The following CCDC180 variants were observed in gnomAD, a reference collection of about 807,000 sequenced individuals.
CCDC180 encodes the protein coiled-coil domain containing 180, also known as coiled-coil domain-containing protein 180.
In CCDC180, 154 loss-of-function variants were observed where a neutral mutation model predicts 209.2. That is an observed-to-expected ratio of 0.74 (90% CI 0.65 to 0.84). The LOEUF is 0.84. Ranked by LOEUF, CCDC180 falls within the 40% of genes least tolerant of loss-of-function variation. The pLI is 0.00. For synonymous variants in CCDC180, 778 were observed against 749.1 expected, an observed-to-expected ratio of 1.04 and a Z score of -0.63; for missense variants, 1,874 against 1,997.3, an observed-to-expected ratio of 0.94 and a Z score of 1.18.
chr9:97,353,481 C>T (rs970429347), intron 22 of CCDC180, among the ~76,000 whole-genome samples: 4 of 152,178 alleles, frequency 2.6e-5, no homozygotes, highest in Non-Finnish European at 5.9e-5. Flanking sequence ...GTTTCTCATG[C>T]ATGGTATCTT....
chr9:97,374,417 C>A (rs116028503), intron 34 of CCDC180, 126 bp from the exon 35 acceptor site: 1 of 687,136 alleles, frequency 1.5e-6, no homozygotes, highest in South Asian at 1.9e-5. Flanking sequence ...GAGGGCTCAG[C>A]CTGCCATAAC....
rs113034234 is a variant in CCDC180, at chr9:97,324,068, A to G, written c.1371+165A>G. On this transcript the variant is annotated intron_variant, in intron 13 of 36. Transcript: ENST00000529487. The stretch of plus-strand genomic sequence containing the variant: ...GTAGCCCCCTTACGCTGGCCACTCC[A>G]AGCTCACTCACCGGACTCCTCCCAG... The G allele has an allele frequency of 1.6e-5, 12 of 742,352 alleles. No homozygotes were observed. The African/African-American group carries it at 2.0e-4, about 12-fold the overall frequency. 46.0% of individuals were successfully genotyped at this position (742,352 alleles called of 1,614,324 possible).
At chr9:97,363,424 A>AG (rs1826823786) in intron 28 of CCDC180, 1 of 294,676 alleles carries the variant, frequency 3.4e-6, no homozygotes. Context: ...CCTTCTGGGT[A>AG]GGTTGCTGCA....
At chr9:97,318,021 G>A (rs1213147881) in intron 9 of CCDC180, among the ~76,000 whole-genome samples, 1 of 152,208 alleles carries the variant, frequency 6.6e-6, no homozygotes, top group African/African-American at 2.4e-5. Context: ...GTGCTAGGGG[G>A]CTTGCTTGCA....
Position 97,343,369 on chromosome 9 carries a change from G to A in CCDC180, c.2304G>A (p.Glu768=), listed in dbSNP as rs1211044648. The stretch of plus-strand genomic sequence containing the variant: ...AAGACAAGGAAGAGGGTCTAGAGGA[G>A]ATATACTATGAGGACATGGAGTCCT... ...EEEDKEEGLE[E]IYYEDMESFT... The change falls in exon 19 of 37, where the codon GAG becomes GAA. Residue 768 remains glutamate (E), a synonymous_variant. Transcript: ENST00000529487. The A allele has an allele frequency of 6.2e-7, 1 of 1,612,790 alleles. No individual in the cohort carries two copies. The highest frequency in any genetic ancestry group is 8.5e-7 in the Non-Finnish European group (1 of 1,178,798).
chr9:97,321,100 T>C (rs1434081895), intron 11 of CCDC180, among the ~76,000 whole-genome samples: 1 of 152,196 alleles, frequency 6.6e-6, no homozygotes, highest in African/African-American at 2.4e-5. Flanking sequence ...GTGTACTCTG[T>C]TGCCAGATGA....
At chr9:97,372,632 G>A (rs1357601859) in intron 34 of CCDC180, 3 of 152,162 alleles carry the variant, frequency 2.0e-5, no homozygotes, top group Non-Finnish European at 4.4e-5. Flanking sequence ...GGCTGAGGTG[G>A]GTGGATCTCT....
chr9:97,360,250 C>A, intron 26 of CCDC180, 149 bp downstream of exon 26: 1 of 1,006,886 alleles, frequency 9.9e-7, no homozygotes, highest in Non-Finnish European at 1.4e-6. Flanking sequence ...GTGGAAAGAT[C>A]ACAAGCTGTG....
At chr9:97,347,229 G>A in intron 19 of CCDC180, 85 bp from the exon 20 acceptor site, 1 of 1,322,496 alleles carries the variant, frequency 7.6e-7, no homozygotes, top group Admixed American at 2.4e-5. Flanking sequence ...AGTGAAAGGG[G>A]GAAGCACTTT....
intron 35 of CCDC180, among the ~76,000 whole-genome samples, chr9:97,374,898 G>A (rs900570487): frequency 6.6e-6 from 1 of 152,224 alleles, no homozygotes; most frequent in African/African-American, 2.4e-5. Flanking sequence ...TAGTGCACAT[G>A]ATAAGGACCC....
chr9:97,310,997 G>T lies in CCDC180; in HGVS notation c.261-1116G>T, dbSNP rs142773764. Reference sequence around the variant, plus strand: ...TGCAGGGCTAGCAGAGGCCAGACTGGGCTGAACACATGAGTGGCAGAGCCA... The same window carrying T: ...TGCAGGGCTAGCAGAGGCCAGACTGTGCTGAACACATGAGTGGCAGAGCCA... On this transcript the variant is annotated intron_variant, in intron 3 of 36. Transcript: ENST00000529487. Among the ~76,000 whole-genome samples, 152 of 152,310 alleles carry T rather than the reference G, an allele frequency of 1.0e-3. 1 individual carries two copies. Among genetic ancestry groups the T allele is most frequent in the African/African-American group, 3.5e-3 (146 of 41,568 alleles).
At position 97,341,247 on chromosome 9, in the gene CCDC180, A is replaced by G. The variant is rs539502743; in HGVS notation, c.2275-2093A>G. ...TCAGGGCCACTACCGGTCTCTGCACATTGGTGGTAGTGGTCCCCTGGGCCC... is the reference window on the plus strand; with the variant it reads ...TCAGGGCCACTACCGGTCTCTGCACGTTGGTGGTAGTGGTCCCCTGGGCCC... On this transcript the variant is annotated intron_variant, in intron 18 of 36. Transcript: ENST00000529487. 2.0e-4 allele frequency among the ~76,000 whole-genome samples: 30 copies of G among 152,142 alleles called. No homozygotes were observed. In the South Asian group the frequency reaches 6.2e-3, roughly 32 times the overall value.
In CCDC180 at chr9:97,330,701, G is replaced by GGAGGAA. The variant is rs71369506; in HGVS notation, c.2208_2209insGAGGAA (p.Glu735_Glu736dup). On this transcript the variant is annotated inframe_insertion, in exon 18 of 37. Transcript: ENST00000529487. Reference sequence around the variant, plus strand: ...AGAAGGAGGAAGAGGAGGAGGAGGAGAAGCTGGAGGAAGAGAAGGAGGAGA... The same window carrying GGAGGAA: ...AGAAGGAGGAAGAGGAGGAGGAGGAGGAGGAAAAGCTGGAGGAAGAGAAGGAGGAGA... 6 of 1,608,342 alleles carry GGAGGAA rather than the reference G, an allele frequency of 3.7e-6. No individual in the cohort carries two copies. Among genetic ancestry groups the GGAGGAA allele is most frequent in the South Asian group, 1.1e-5 (1 of 90,980 alleles).
rs760299313 is a variant in CCDC180, at chr9:97,313,297, C to T, written c.411C>T (p.Tyr137=). Residue 137 remains tyrosine (Y), a synonymous_variant, in exon 5 of 37, where the codon TAC becomes TAT. Transcript: ENST00000529487. ...AAGCAGAACACAAGAGGAAGAGCTA[C>T]GAGAGCGCTCTGGCCAGCTTTCAGG... ...QRQAEHKRKS[Y]ESALASFQEE... is the part of the protein sequence containing the mutation. 13 of 1,612,560 alleles carry T rather than the reference C, an allele frequency of 8.1e-6. No homozygotes were observed. The highest frequency in any genetic ancestry group is 2.2e-5 in the East Asian group (1 of 44,776).
Position 97,325,207 on chromosome 9 carries a change from C to T in CCDC180, c.1545+15C>T, listed in dbSNP as rs376485477. On this transcript the variant is annotated intron_variant, in intron 14 of 36. Transcript: ENST00000529487. ...TGGAGAGCCAGGTGAGACCCACACCCGGGGCTCCATGTTTCACACCACAAA... is the reference window on the plus strand; with the variant it reads ...TGGAGAGCCAGGTGAGACCCACACCTGGGGCTCCATGTTTCACACCACAAA... The T allele has an allele frequency of 2.7e-5, 43 of 1,573,856 alleles. No individual in the cohort carries two copies. The highest frequency in any genetic ancestry group is 4.0e-5 in the African/African-American group (3 of 74,372).
At chr9:97,333,540 C>A (rs1233696994) in intron 18 of CCDC180, among the ~76,000 whole-genome samples, 1 of 49,518 alleles carries the variant, frequency 2.0e-5, no homozygotes, top group Admixed American at 2.5e-4. Flanking sequence ...GGTTTGTAGG[C>A]TATTTATTAT....
chr9:97,312,931 C>CAGGAAGTACTATGGA (rs1554726252), intron 4 of CCDC180, among the ~76,000 whole-genome samples: 2 of 151,812 alleles, frequency 1.3e-5, no homozygotes, highest in African/African-American at 2.4e-5. Flanking sequence ...ACCTACTATG[C>CAGGAAGTACTATGGA]AGGAAGTGTT....
At chr9:97,357,878 T>C in intron 25 of CCDC180, 153 bp downstream of exon 25, 1 of 575,430 alleles carries the variant, frequency 1.7e-6, no homozygotes. Flanking sequence ...TTAACCCCTG[T>C]TTCATGGAAT....
Position 97,376,795 on chromosome 9 carries a change from G to A in CCDC180, c.4875G>A (p.Lys1625=). The change falls in exon 37 of 37, where the codon AAG becomes AAA. Residue 1625 remains lysine (K), a synonymous_variant. Transcript: ENST00000529487. ...KYLASFEEEL[K]RIQDDCTSQI... Reference sequence around the variant, plus strand: ...TAGCATCATTTGAGGAGGAGCTAAAGAGGATCCAGGATGACTGTACATCTC... The same window carrying A: ...TAGCATCATTTGAGGAGGAGCTAAAAAGGATCCAGGATGACTGTACATCTC... The A allele has an allele frequency of 6.2e-7, 1 of 1,613,536 alleles. No individual in the cohort carries two copies. Among genetic ancestry groups the A allele is most frequent in the East Asian group, 2.2e-5 (1 of 44,880 alleles).
Sources: allele counts gnomAD v4.1 joint callset (sites outside exome capture counted in the v4.1 genomes callset), GRCh38; gene constraint gnomAD v4.1.1; transcripts MANE v1.5; gene names NCBI Gene and HGNC (gene_info 2026-07-23, HGNC 2026-07-21).